The following LPP variants were observed in gnomAD, a reference collection of about 807,000 sequenced individuals.
LPP encodes the protein LIM domain containing preferred translocation partner in lipoma.
Under a neutral mutation model 60.4 loss-of-function variants are expected in LPP, and 38 were observed. The observed-to-expected ratio is 0.63, with a 90% CI of 0.49 to 0.83. The LOEUF is 0.83. Among genes scored for constraint, LPP ranks in the 40% least tolerant of loss-of-function variants. The pLI, the probability that LPP is intolerant of heterozygous loss-of-function variation, is 0.00. For missense variants in LPP, 902 were observed against 783.6 expected, an observed-to-expected ratio of 1.15 and a Z score of -1.80; for synonymous variants, 328 against 290.8, an observed-to-expected ratio of 1.13 and a Z score of -1.30.
Position 188,619,186 on chromosome 3 carries a change from A to G in LPP, c.1113+9342A>G, listed in dbSNP as rs569748148. 2.0e-3 allele frequency among the ~76,000 whole-genome samples: 298 copies of G among 152,160 alleles called. 2 individuals carry two copies. The highest frequency in any genetic ancestry group is 6.8e-3 in the Middle Eastern group (2 of 294). On this transcript the variant is annotated intron_variant, in intron 7 of 11. Transcript: ENST00000617246. ...ATTACAGGCATCTGCCACCAGGCCCAGCTAATTTTTGTATTTTTGGTAGAG... is the reference window on the plus strand; with the variant it reads ...ATTACAGGCATCTGCCACCAGGCCCGGCTAATTTTTGTATTTTTGGTAGAG...
chr3:188,847,633 C>T (rs761227642), intron 9 of LPP, among the ~76,000 whole-genome samples: 13 of 152,176 alleles, frequency 8.5e-5, no homozygotes, highest in Non-Finnish European at 1.6e-4. Flanking sequence ...GTAAAAATAA[C>T]TTTTATTGTC....
At chr3:188,731,684 G>T (rs554455817) in intron 8 of LPP, among the ~76,000 whole-genome samples, 1 of 151,816 alleles carries the variant, frequency 6.6e-6, no homozygotes. Flanking sequence ...CACCATGCCC[G>T]GGTAACTTTT....
At position 188,605,762 on chromosome 3, in the gene LPP, G is replaced by A. The variant is rs570555333; in HGVS notation, c.430-3399G>A. On this transcript the variant is annotated intron_variant, in intron 6 of 11. Transcript: ENST00000617246. ...AGATTTAAGAAGCATTTTATTTTTC[G>A]TAAGATAATATTCCATTTGATGCAG... Among the ~76,000 whole-genome samples, 7 of 152,182 alleles carry A rather than the reference G, an allele frequency of 4.6e-5. No individual in the cohort carries two copies. The South Asian group carries it at 6.2e-4, about 14-fold the overall frequency.
intron 9 of LPP, among the ~76,000 whole-genome samples, chr3:188,800,985 G>A (rs1577645649): frequency 1.3e-5 from 2 of 152,110 alleles, no homozygotes; most frequent in Non-Finnish European, 2.9e-5. Flanking sequence ...ATCCCTGGGG[G>A]TTTCTTAGAG....
At chr3:188,491,109 A>G (rs188034898) in intron 5 of LPP, among the ~76,000 whole-genome samples, 13 of 152,282 alleles carry the variant, frequency 8.5e-5, no homozygotes, top group African/African-American at 3.1e-4. Flanking sequence ...TCATGGTCTC[A>G]GGTACAGAAC....
intron 2 of LPP, among the ~76,000 whole-genome samples, chr3:188,309,022 C>CT (rs777945680): frequency 0.2 from 23,885 of 119,732 alleles, 2,890 homozygotes; most frequent in East Asian, 0.57. Context: ...TCTTCTTCTT[C>CT]TTTTTTTTTT....
At chr3:188,349,030 G>A (rs991292596) in intron 3 of LPP, among the ~76,000 whole-genome samples, 2 of 152,156 alleles carry the variant, frequency 1.3e-5, no homozygotes, top group Non-Finnish European at 2.9e-5. Context: ...TGGATTCTAA[G>A]TCTTTCTGAT....
At chr3:188,203,682 T>C (rs186361791) in intron 1 of LPP, among the ~76,000 whole-genome samples, 157 of 145,166 alleles carry the variant, frequency 1.1e-3, no homozygotes, top group Admixed American at 5.5e-3. Context: ...GATCTCGCTA[T>C]GTTGCCCAGG....
At chr3:188,301,199 T>G (rs1287992945) in intron 2 of LPP, among the ~76,000 whole-genome samples, 2 of 152,060 alleles carry the variant, frequency 1.3e-5, no homozygotes, top group African/African-American at 2.4e-5. Flanking sequence ...TATATTTATC[T>G]ATTTGCCTAT....
intron 3 of LPP, among the ~76,000 whole-genome samples, chr3:188,371,602 C>G (rs1468506267): frequency 1.0e-4 from 11 of 109,150 alleles, no homozygotes; most frequent in Non-Finnish European, 1.6e-4. Context: ...AGAGGAAAGA[C>G]TGAGTGGTGG....
At chr3:188,614,323 G>C (rs1473943747) in intron 7 of LPP, among the ~76,000 whole-genome samples, 1 of 152,154 alleles carries the variant, frequency 6.6e-6, no homozygotes, top group East Asian at 1.9e-4. Context: ...GGTAATCCCT[G>C]TGTTAATTAT....
chr3:188,423,947 C>T (rs150997620), intron 4 of LPP, among the ~76,000 whole-genome samples: 3 of 152,080 alleles, frequency 2.0e-5, no homozygotes, highest in African/African-American at 7.2e-5. Context: ...TGTGCAGAAG[C>T]TCTTTAGTTT....
intron 10 of LPP, among the ~76,000 whole-genome samples, chr3:188,866,605 T>C (rs568187225): frequency 6.6e-6 from 1 of 152,282 alleles, no homozygotes; most frequent in East Asian, 1.9e-4. Context: ...CCAGAGCTTG[T>C]CCATTGCATC....
chr3:188,490,751 A>ATTTTTTTTTTTTTTTTTTTTTTTTT (rs58700818), intron 5 of LPP, among the ~76,000 whole-genome samples: 1 of 91,746 alleles, frequency 1.1e-5, no homozygotes, highest in African/African-American at 3.9e-5. Flanking sequence ...TGGCACTGGA[A>ATTTTTTTTTTTTTTTTTTTTTTTTT]TTTTTTTTTT....
At chr3:188,735,016 A>T (rs191824663) in intron 8 of LPP, among the ~76,000 whole-genome samples, 1 of 152,204 alleles carries the variant, frequency 6.6e-6, no homozygotes, top group Non-Finnish European at 1.5e-5. Flanking sequence ...TGGAGTATTC[A>T]CGTCGTTGTT....
intron 4 of LPP, among the ~76,000 whole-genome samples, chr3:188,417,252 C>T (rs1786546573): frequency 6.6e-6 from 1 of 151,996 alleles, no homozygotes; most frequent in Non-Finnish European, 1.5e-5. Flanking sequence ...ATATAACAGG[C>T]ACCACATGTG....
intron 2 of LPP, among the ~76,000 whole-genome samples, chr3:188,254,428 G>A (rs1245995707): frequency 6.6e-6 from 1 of 152,194 alleles, no homozygotes; most frequent in East Asian, 1.9e-4. Context: ...GGTTTCTGTG[G>A]TGGAATGGGG....
Position 188,884,409 on chromosome 3 carries a change from T to G in LPP, c.*9930T>G, listed in dbSNP as rs570196408. On this transcript the variant is annotated 3_prime_UTR_variant, in exon 12 of 12. Coordinates refer to ENST00000617246, the MANE Select transcript of LPP (RefSeq NM_001375462.1). ...GACCAATTGACTGCCAGGTGGCAAATCCACATGTGTACTGCGGTCTTTAGA... is the reference window on the plus strand; with the variant it reads ...GACCAATTGACTGCCAGGTGGCAAAGCCACATGTGTACTGCGGTCTTTAGA... 4.3e-6 allele frequency: 1 copy of G among 230,182 alleles called. No individual in the cohort carries two copies. Among genetic ancestry groups the G allele is most frequent in the South Asian group, 1.8e-4 (1 of 5,490 alleles). The allele number at this position is 230,182 out of a possible 1,614,324, so 14.3% of individuals were successfully genotyped here. A position where few individuals can be genotyped will look rare whatever the true frequency, so the allele number is the denominator to read the frequency against.
chr3:188,466,918 C>T (rs962252327), intron 4 of LPP, among the ~76,000 whole-genome samples: 2 of 143,558 alleles, frequency 1.4e-5, no homozygotes, highest in African/African-American at 2.6e-5. Flanking sequence ...ACCACCTCCC[C>T]CCGCCCCCCC....
Sources: allele counts gnomAD v4.1 joint callset (sites outside exome capture counted in the v4.1 genomes callset), GRCh38; gene constraint gnomAD v4.1.1; transcripts MANE v1.5; gene names NCBI Gene and HGNC (gene_info 2026-07-23, HGNC 2026-07-21).